LRP1: variants seen among roughly 807,000 people sequenced by gnomAD.
LRP1 encodes LDL receptor related protein 1.
In LRP1, 51 loss-of-function variants were observed where a neutral mutation model predicts 541.5. The ratio of observed to expected loss-of-function variants is 0.09; its 90% CI spans 0.08 to 0.12. The LOEUF (loss-of-function observed/expected upper bound fraction) is 0.12, where lower values mean the gene tolerates loss of function less well. Among genes scored for constraint, LRP1 ranks in the 10% least tolerant of loss-of-function variants. The pLI, the probability that LRP1 is intolerant of heterozygous loss-of-function variation, is 1.00. For missense variants in LRP1, 3,878 were observed against 6,376.2 expected, an observed-to-expected ratio of 0.61 and a Z score of 13.34; for synonymous variants, 2,219 against 2,470.8, an observed-to-expected ratio of 0.90 and a Z score of 3.02.
In LRP1 at chr12:57,145,504, T is replaced by A. The variant is rs767719579; in HGVS notation, c.841+14T>A. ...TCAGTCTGCACCGTGAGTCACCTGC[T>A]CTCAGCTTGGAGGGCTGGGGAGGGT... is the stretch of plus-strand genomic sequence containing the variant. On this transcript the variant is annotated intron_variant, in intron 6 of 88. Transcript: ENST00000243077. The A allele has an allele frequency of 6.2e-7, 1 of 1,610,494 alleles. No individual in the cohort carries two copies. The highest frequency in any genetic ancestry group is 8.5e-7 in the Non-Finnish European group (1 of 1,178,428).
chr12:57,183,180 C>T lies in LRP1; in HGVS notation c.5663-199C>T, dbSNP rs2036201019. 6.6e-6 allele frequency among the ~76,000 whole-genome samples: 1 copy of T among 152,002 alleles called. No individual in the cohort carries two copies. The highest frequency in any genetic ancestry group is 2.1e-4 in the South Asian group (1 of 4,820). On this transcript the variant is annotated intron_variant, in intron 34 of 88. Transcript: ENST00000243077. The surrounding 1 kb of genome is among the most constrained non-coding windows in gnomAD (Gnocchi z 6.1). ...GGCTAGGGGTCCTGCAGGTGGTTCCCCAGAGCTACCAGCCAGGTGCGCTTC... is the reference window on the plus strand; with the variant it reads ...GGCTAGGGGTCCTGCAGGTGGTTCCTCAGAGCTACCAGCCAGGTGCGCTTC...
intron 6 of LRP1, among the ~76,000 whole-genome samples, chr12:57,153,632 A>T (rs1321049902): frequency 2.0e-5 from 3 of 152,168 alleles, no homozygotes. Flanking sequence ...AGTTTGGCCC[A>T]TGTCACTGGT....
chr12:57,128,900 G>A lies in LRP1; in HGVS notation c.-65G>A. 7.1e-7 allele frequency: 1 copy of A among 1,414,300 alleles called. No homozygotes were observed. Among genetic ancestry groups the A allele is most frequent in the Admixed American group, 2.2e-5 (1 of 46,424 alleles). The allele number at this position is 1,414,300 out of a possible 1,614,324, so 87.6% of individuals were successfully genotyped here. A position where few individuals can be genotyped will look rare whatever the true frequency, so the allele number is the denominator to read the frequency against. ...GGAAAAGGGGGACCCCCCAACTGGG[G>A]GGGGTGAAGGAGAGAAGTAGCAGGA... On this transcript the variant is annotated 5_prime_UTR_variant, in exon 1 of 89. Coordinates refer to ENST00000243077, the MANE Select transcript of LRP1 (RefSeq NM_002332.3).
Position 57,201,665 on chromosome 12 carries a change from T to C in LRP1, c.10468+46T>C. ...CCCAGCTTCCCTCCCCAGTGTCTGCTGCTCACACCACCCCGACGTGTGACC... is the reference window on the plus strand; with the variant it reads ...CCCAGCTTCCCTCCCCAGTGTCTGCCGCTCACACCACCCCGACGTGTGACC... On this transcript the variant is annotated intron_variant, in intron 66 of 88. Transcript: ENST00000243077. This position sits in a 1 kb window ranked among gnomAD's most constrained non-coding sequence, Gnocchi z 6.4. The C allele has an allele frequency of 6.2e-7, 1 of 1,600,756 alleles. No individual in the cohort carries two copies. The highest frequency in any genetic ancestry group is 8.5e-7 in the Non-Finnish European group (1 of 1,170,578).
chr12:57,186,595 A>G (rs7486352), intron 41 of LRP1, among the ~76,000 whole-genome samples: 150,972 of 152,350 alleles, frequency 0.99, 74,812 homozygotes, highest in Middle Eastern at 1. Flanking sequence ...TCTGCTGCAC[A>G]TAGTCCAGCC....
intron 82 of LRP1, 78 bp from the exon 83 acceptor site, chr12:57,210,640 C>A (rs927178610): frequency 1.1e-5 from 17 of 1,507,006 alleles, no homozygotes; most frequent in East Asian, 2.3e-5. Context: ...TCGCCCAGGT[C>A]CCCCCAGCCC....
At position 57,211,092 on chromosome 12, in the gene LRP1, T is replaced by C; in HGVS notation, c.12917-84T>C. 7 of 1,498,056 alleles carry C rather than the reference T, an allele frequency of 4.7e-6. No homozygotes were observed. The highest frequency in any genetic ancestry group is 6.4e-6 in the Non-Finnish European group (7 of 1,094,180). 92.8% of individuals were successfully genotyped at this position (1,498,056 alleles called of 1,614,324 possible). ...CAGTGCACCCCCTGCACCAAGATTA[T>C]GCAAACAGAAAAGCTCTGTTCAACC... On this transcript the variant is annotated intron_variant, in intron 83 of 88. Transcript: ENST00000243077. The surrounding 1 kb of genome is among the most constrained non-coding windows in gnomAD (Gnocchi z 4.3).
At chr12:57,144,369 T>C (rs971061253) in intron 4 of LRP1, among the ~76,000 whole-genome samples, 2 of 152,272 alleles carry the variant, frequency 1.3e-5, no homozygotes, top group African/African-American at 2.4e-5. Flanking sequence ...CGTATGACTT[T>C]TACCACAGTT....
chr12:57,173,436 A>G lies in LRP1; in HGVS notation c.3346+86A>G. ...TGAGAGCAGAGTAGCGGCAAAGGGG[A>G]TGGCACTGTGCTGTGTGGAGTGGTG... On this transcript the variant is annotated intron_variant, in intron 21 of 88. Coordinates refer to ENST00000243077, the MANE Select transcript of LRP1 (RefSeq NM_002332.3). The surrounding 1 kb of genome is among the most constrained non-coding windows in gnomAD (Gnocchi z 4.7). 7.1e-7 allele frequency: 1 copy of G among 1,410,554 alleles called. No homozygotes were observed. The highest frequency in any genetic ancestry group is 1.4e-5 in the African/African-American group (1 of 71,254). The allele number at this position is 1,410,554 out of a possible 1,614,324, so 87.4% of individuals were successfully genotyped here.
rs1486618865 is a variant in LRP1, at chr12:57,197,182, G to C, written c.9076+17G>C. ...CTGTGACTGGTGAGATGCGCGCTTG[G>C]AGGGCATGAGGTGACCCAGGCTGTG... On this transcript the variant is annotated intron_variant, in intron 56 of 88. Transcript: ENST00000243077. The surrounding 1 kb of genome is among the most constrained non-coding windows in gnomAD (Gnocchi z 4.5). 6.2e-7 allele frequency: 1 copy of C among 1,613,902 alleles called. No homozygotes were observed. Among genetic ancestry groups the C allele is most frequent in the Admixed American group, 1.7e-5 (1 of 60,020 alleles).
chr12:57,201,013 C>A lies in LRP1; in HGVS notation c.10226-21C>A. ...CCTGAGTCCTCCCTTCGCCACGAAT[C>A]ACCTCCTCCTCCCTCCACAGACATC... On this transcript the variant is annotated intron_variant, in intron 64 of 88. Transcript: ENST00000243077. The surrounding 1 kb of genome is among the most constrained non-coding windows in gnomAD (Gnocchi z 6.4). The A allele has an allele frequency of 1.2e-6, 2 of 1,613,942 alleles. No homozygotes were observed. The highest frequency in any genetic ancestry group is 1.1e-5 in the South Asian group (1 of 91,008).
At chr12:57,188,800 G>A (rs1357010888) in intron 42 of LRP1, among the ~76,000 whole-genome samples, 3 of 152,216 alleles carry the variant, frequency 2.0e-5, no homozygotes, top group South Asian at 2.1e-4. Context: ...CTGAGGACTG[G>A]CCCCACCTGG....
chr12:57,202,482 C>T lies in LRP1; in HGVS notation c.10656C>T (p.Arg3552=), dbSNP rs757804544. The T allele has an allele frequency of 1.5e-5, 25 of 1,613,566 alleles. No individual in the cohort carries two copies. The highest frequency in any genetic ancestry group is 2.1e-5 in the Non-Finnish European group (25 of 1,180,020). The change falls in exon 68 of 89, where the codon CGC becomes CGT. Residue 3552 remains arginine, a synonymous_variant. Coordinates refer to ENST00000243077, the MANE Select transcript of LRP1 (RefSeq NM_002332.3). The part of the protein sequence containing the change: ...RCKNNRCVPG[R]WQCDYDNDCG... ...AGAACAACCGCTGCGTGCCCGGCCG[C>T]TGGCAGTGCGACTACGACAACGATT...
rs1453149469 is a variant in LRP1 at position 57,206,379 on chromosome 12, A to C, written c.11591-94A>C. The C allele has an allele frequency of 1.2e-5, 16 of 1,294,656 alleles. No homozygotes were observed. The highest frequency in any genetic ancestry group is 1.4e-5 in the Non-Finnish European group (13 of 916,288). The allele number at this position is 1,294,656 out of a possible 1,614,324, so 80.2% of individuals were successfully genotyped here. ...TCTGGCCGGAGCAGATGGTCCTACCAGGAGATGGGACAGTGTTCATGTGAA... is the reference window on the plus strand; with the variant it reads ...TCTGGCCGGAGCAGATGGTCCTACCCGGAGATGGGACAGTGTTCATGTGAA... On this transcript the variant is annotated intron_variant, in intron 75 of 88. Transcript: ENST00000243077. The surrounding 1 kb of genome is among the most constrained non-coding windows in gnomAD (Gnocchi z 4.7).
At chr12:57,188,330 T>C (rs1565741887) in intron 42 of LRP1, among the ~76,000 whole-genome samples, 1 of 152,116 alleles carries the variant, frequency 6.6e-6, no homozygotes, top group Non-Finnish European at 1.5e-5. Flanking sequence ...GCTTGGAATG[T>C]TTTTCAAAAG....
rs2036766769 is a variant in LRP1, at chr12:57,205,849, G to A, written c.11590+172G>A. 14 of 1,013,544 alleles carry A rather than the reference G, an allele frequency of 1.4e-5. No homozygotes were observed. In the South Asian group the frequency reaches 1.5e-4, roughly 11 times the overall value. The allele number at this position is 1,013,544 out of a possible 1,614,324, so 62.8% of individuals were successfully genotyped here. A position where few individuals can be genotyped will look rare whatever the true frequency, so the allele number is the denominator to read the frequency against. On this transcript the variant is annotated intron_variant, in intron 75 of 88. Transcript: ENST00000243077. The surrounding 1 kb of genome is among the most constrained non-coding windows in gnomAD (Gnocchi z 4.6). ...AGTGCTGGCCCAGCAGTGGGGGCAG[G>A]TCCTGGGGCTGGCTGACTGAAGGAG...
Position 57,200,826 on chromosome 12 carries a change from G to GGGGGGCCCCCCC in LRP1, c.10225+11_10225+12insGGGGGCCCCCCC. On this transcript the variant is annotated intron_variant, in intron 64 of 88. Transcript: ENST00000243077. ...ACGAGGCCAACTGTGGTAAGGCGCT[G>GGGGGGCCCCCCC]CCCGCCCACCCTCCCTCCTTCCCCA... is the stretch of plus-strand genomic sequence containing the variant. The GGGGGGCCCCCCC allele has an allele frequency of 1.0e-5, 16 of 1,581,270 alleles. No individual in the cohort carries two copies. Among genetic ancestry groups the GGGGGGCCCCCCC allele is most frequent in the Non-Finnish European group, 1.3e-5 (15 of 1,157,528 alleles).
intron 2 of LRP1, among the ~76,000 whole-genome samples, chr12:57,139,416 TG>T (rs991394209): frequency 2.0e-5 from 3 of 151,052 alleles, no homozygotes; most frequent in African/African-American, 7.3e-5. Flanking sequence ...CCCTGGAGGG[TG>T]GGGGCCAGGG....
At position 57,177,520 on chromosome 12, in the gene LRP1, C is replaced by T. The variant is rs146030546; in HGVS notation, c.4290C>T (p.Thr1430=). The T allele has an allele frequency of 1.1e-5, 17 of 1,613,936 alleles. No individual in the cohort carries two copies. Among genetic ancestry groups the T allele is most frequent in the Middle Eastern group, 1.6e-4 (1 of 6,062 alleles). ...GGCGCCGCACCGTGCACCGGGAGAC[C>T]GGCTCTGGGGGCTGGCCCAACGGGC... ...GAGRRTVHRE[T]GSGGWPNGLT... The change falls in exon 26 of 89, where the codon ACC becomes ACT. Residue 1430 remains threonine (T), a synonymous_variant. Transcript: ENST00000243077. This position sits in a 1 kb window ranked among gnomAD's most constrained non-coding sequence, Gnocchi z 6.8.
Sources: allele counts gnomAD v4.1 joint callset (sites outside exome capture counted in the v4.1 genomes callset), GRCh38; gene constraint gnomAD v4.1.1; non-coding constraint Gnocchi (gnomAD v3.1); transcripts MANE v1.5; gene names NCBI Gene and HGNC (gene_info 2026-07-23, HGNC 2026-07-21).